FAM20A: variants seen among roughly 807,000 people sequenced by gnomAD.
The protein encoded by FAM20A is FAM20A golgi associated secretory pathway pseudokinase.
FAM20A carries 42 observed loss-of-function variants against 52.0 expected under a neutral mutation model. The ratio of observed to expected loss-of-function variants is 0.81; its 90% CI spans 0.63 to 1.04. The LOEUF is 1.04. Among genes scored for constraint, FAM20A ranks in the 50% least tolerant of loss-of-function variants. The probability of loss-of-function intolerance (pLI) is 0.00; values close to 1 mark genes in which losing one functional copy is unlikely to be tolerated. For synonymous variants in FAM20A, 304 were observed against 298.9 expected, an observed-to-expected ratio of 1.02 and a Z score of -0.18; for missense variants, 742 against 712.7, an observed-to-expected ratio of 1.04 and a Z score of -0.47.
At position 68,568,469 on chromosome 17, in the gene FAM20A, AAAATAAAT is replaced by A. The variant is rs372359079; in HGVS notation, c.405-12734_405-12727del. ...GGTGACAGAGCGAGACTCCATCTCT[AAAATAAAT>A]AAATAAATAAATAAATAAAAATTTT... On this transcript the variant is annotated intron_variant, in intron 1 of 10. Transcript: ENST00000592554. Among the ~76,000 whole-genome samples the A allele has an allele frequency of 3.8e-4, 58 of 151,122 alleles. No homozygotes were observed. The South Asian group carries it at 5.4e-3, about 14-fold the overall frequency.
intron 1 of FAM20A, among the ~76,000 whole-genome samples, chr17:68,559,430 T>G (rs1192157320): frequency 6.6e-6 from 1 of 152,208 alleles, no homozygotes; most frequent in Non-Finnish European, 1.5e-5. Context: ...AGAAAAAGTA[T>G]ATATCACAAA....
chr17:68,541,334 C>G (rs1368578068), intron 7 of FAM20A: 3 of 267,810 alleles, frequency 1.1e-5, no homozygotes, highest in African/African-American at 6.6e-5. Flanking sequence ...TGGGCTGTTC[C>G]TGCCCTTTCT....
In FAM20A at chr17:68,600,272, C is replaced by G. The variant is rs759693849; in HGVS notation, c.395G>C (p.Arg132Pro). 10 of 1,565,986 alleles carry G rather than the reference C, an allele frequency of 6.4e-6. No individual in the cohort carries two copies. The highest frequency in any genetic ancestry group is 2.7e-5 in the African/African-American group (2 of 73,370). ...ALRYYRRKVARWNRRHKMYRE... is the reference protein window; with the variant it reads ...ALRYYRRKVAPWNRRHKMYRE... The stretch of plus-strand genomic sequence containing the variant: ...CGGGCGGGGTCCTCACCTGTTCCAG[C>G]GGGCCACCTTCCTCCGGTAATACCG... The change falls in exon 1 of 11, where the codon CGC (arginine) becomes CCC (proline). Residue 132 changes from arginine (R) to proline (P), a missense_variant. Transcript: ENST00000592554. This position sits in a 1 kb window ranked among gnomAD's most constrained non-coding sequence, Gnocchi z 6.2.
Position 68,535,631 on chromosome 17 carries a change from A to C in FAM20A, c.*1846T>G, listed in dbSNP as rs1454468857. ...CACAACAGTTAAGGAAATCTTTGGG[A>C]TTAAGGTTTCTCTGTTAAAGAGTTG... is the stretch of plus-strand genomic sequence containing the variant. On this transcript the variant is annotated 3_prime_UTR_variant, in exon 11 of 11. Transcript: ENST00000592554. 1 of 453,810 alleles carries C rather than the reference A, an allele frequency of 2.2e-6. No homozygotes were observed. 28.1% of individuals were successfully genotyped at this position (453,810 alleles called of 1,614,324 possible).
chr17:68,589,602 A>G (rs1567750110), intron 1 of FAM20A, among the ~76,000 whole-genome samples: 1 of 152,154 alleles, frequency 6.6e-6, no homozygotes. Context: ...TGGGCACATC[A>G]ATTTTGGAGA....
chr17:68,543,752 C>T, intron 4 of FAM20A, 31 bp from the exon 5 acceptor site: 2 of 1,583,724 alleles, frequency 1.3e-6, no homozygotes, highest in Non-Finnish European at 1.7e-6. Context: ...ACGCCCTGGA[C>T]TCAGACTTCA....
chr17:68,572,040 A>ATG, intron 1 of FAM20A, among the ~76,000 whole-genome samples: 1 of 111,964 alleles, frequency 8.9e-6, no homozygotes, highest in Non-Finnish European at 1.8e-5. Flanking sequence ...ATATATATAT[A>ATG]TGTAGCAGGG....
intron 5 of FAM20A, 66 bp from the exon 6 acceptor site, chr17:68,542,875 C>A (rs1289687670): frequency 7.9e-7 from 1 of 1,270,990 alleles, no homozygotes; most frequent in Admixed American, 1.7e-5. Context: ...GGGTTTTGTC[C>A]CCCGGCCAGT....
At chr17:68,551,428 G>GA (rs1650410483) in intron 4 of FAM20A, 1 of 269,394 alleles carries the variant, frequency 3.7e-6, no homozygotes, top group Admixed American at 5.3e-5. Context: ...GCTTTCCCTG[G>GA]AAAAAAGTAT....
At chr17:68,554,063 C>CATATAT (rs557066077) in intron 3 of FAM20A, among the ~76,000 whole-genome samples, 6,258 of 102,320 alleles carry the variant, frequency 0.061, 553 homozygotes, top group African/African-American at 0.26. Context: ...TACACATATA[C>CATATAT]ACACATATAC....
Position 68,542,155 on chromosome 17 carries a change from C to G in FAM20A, c.939G>C (p.Val313=). 1 of 1,613,916 alleles carries G rather than the reference C, an allele frequency of 6.2e-7. No individual in the cohort carries two copies. Among genetic ancestry groups the G allele is most frequent in the East Asian group, 2.2e-5 (1 of 44,886 alleles). Residue 313 remains valine, a synonymous_variant, in exon 7 of 11, where the codon GTG becomes GTC. Coordinates refer to ENST00000592554, the MANE Select transcript of FAM20A (RefSeq NM_017565.4). The part of the protein sequence containing the change: ...SVFFVSPASN[V]CFFAKCPYMC... Reference sequence around the variant, plus strand: ...TGTATGGACACTTGGCGAAGAAGCACACGTTGCTCGCTGGAGGATGGGGAG... The same window carrying G: ...TGTATGGACACTTGGCGAAGAAGCAGACGTTGCTCGCTGGAGGATGGGGAG...
chr17:68,539,429 G>T, intron 9 of FAM20A, 33 bp from the exon 10 acceptor site: 1 of 1,600,418 alleles, frequency 6.2e-7, no homozygotes, highest in South Asian at 1.1e-5. Flanking sequence ...ATGGGTGGCC[G>T]GCAGCATCCT....
chr17:68,548,934 G>T (rs377393126), intron 4 of FAM20A, among the ~76,000 whole-genome samples: 1 of 151,462 alleles, frequency 6.6e-6, no homozygotes, highest in South Asian at 2.1e-4. Flanking sequence ...GGGTTTCACC[G>T]TGTTAGCCAG....
chr17:68,552,254 G>C (rs905785239), intron 3 of FAM20A, among the ~76,000 whole-genome samples: 2 of 151,334 alleles, frequency 1.3e-5, no homozygotes, highest in African/African-American at 4.9e-5. Context: ...AAAAAAAAAA[G>C]TACATTTTCT....
At chr17:68,548,419 A>G (rs954470804) in intron 4 of FAM20A, among the ~76,000 whole-genome samples, 25 of 152,102 alleles carry the variant, frequency 1.6e-4, no homozygotes, top group African/African-American at 4.6e-4. Flanking sequence ...AGTCCCAGCT[A>G]TTTGGAAGGC....
rs750249854 is a variant in FAM20A at position 68,544,829 on chromosome 17, TATC to T, written c.720-1111_720-1109del. 3.1e-4 allele frequency among the ~76,000 whole-genome samples: 47 copies of T among 152,342 alleles called. 1 individual carries two copies. Among genetic ancestry groups the T allele is most frequent in the South Asian group, 2.1e-3 (10 of 4,832 alleles). On this transcript the variant is annotated intron_variant, in intron 4 of 10. Coordinates refer to ENST00000592554, the MANE Select transcript of FAM20A (RefSeq NM_017565.4). ...TTCCTGAGTCCCATCTGTAGGAACA[TATC>T]ATCTTTCAGACACCTTTTAGGTTCT...
At chr17:68,557,575 T>A (rs1249085605) in intron 1 of FAM20A, 1 of 152,172 alleles carries the variant, frequency 6.6e-6, no homozygotes, top group Non-Finnish European at 1.5e-5. Flanking sequence ...GTATTGGACT[T>A]CTTAGCCTCC....
rs2086073356 is a variant in FAM20A at position 68,535,469 on chromosome 17, G to A, written c.*2008C>T. Reference sequence around the variant, plus strand: ...ATTTGGAAGTCCCAAACCATTTTGTGCTATTCTTTGAATGTTTTTACCCAG... The same window carrying A: ...ATTTGGAAGTCCCAAACCATTTTGTACTATTCTTTGAATGTTTTTACCCAG... On this transcript the variant is annotated 3_prime_UTR_variant, in exon 11 of 11. Coordinates refer to ENST00000592554, the MANE Select transcript of FAM20A (RefSeq NM_017565.4). 1 of 453,914 alleles carries A rather than the reference G, an allele frequency of 2.2e-6. No individual in the cohort carries two copies. 28.1% of individuals were successfully genotyped at this position (453,914 alleles called of 1,614,324 possible).
intron 8 of FAM20A, chr17:68,540,405 T>G (rs2086232264): frequency 2.2e-6 from 1 of 453,172 alleles, no homozygotes; most frequent in Non-Finnish European, 4.4e-6. Context: ...CCTAAGCTCC[T>G]GTATGACGGC....
Sources: allele counts gnomAD v4.1 joint callset (sites outside exome capture counted in the v4.1 genomes callset), GRCh38; gene constraint gnomAD v4.1.1; non-coding constraint Gnocchi (gnomAD v3.1); transcripts MANE v1.5; gene names NCBI Gene and HGNC (gene_info 2026-07-23, HGNC 2026-07-21).